The following SORBS3 variants were observed in gnomAD, a reference collection of about 807,000 sequenced individuals.
SORBS3 encodes the protein sorbin and SH3 domain containing 3, also known as vinexin.
SORBS3 carries 69 observed loss-of-function variants against 98.0 expected under a neutral mutation model. The observed-to-expected ratio is 0.70, with a 90% CI of 0.58 to 0.86. SORBS3 has a LOEUF of 0.86. SORBS3 is among the 40% of genes least tolerant of loss of function. SORBS3 has a pLI of 0.00. For synonymous variants in SORBS3, 394 were observed against 355.4 expected (o/e 1.11, Z -1.22); for missense variants, 954 against 908.5 (o/e 1.05, Z -0.64).
At chr8:22,549,790 A>G (rs984133215), upstream of SORBS3, 1 of 158,674 alleles carries the variant, frequency 6.3e-6, no homozygotes, top group African/African-American at 2.4e-5. Context: ...TGAAACTGGT[A>G]GCCAGTCCCC....
At chr8:22,561,730 C>T in intron 6 of SORBS3, 135 bp from the exon 7 acceptor site, 1 of 772,024 alleles carries the variant, frequency 1.3e-6, no homozygotes, top group South Asian at 1.6e-5. Context: ...GAGCACCAAC[C>T]ACCCTGCCCC....
intron 7 of SORBS3, among the ~76,000 whole-genome samples, chr8:22,562,632 G>A (rs1266037397): frequency 1.3e-5 from 2 of 152,184 alleles, no homozygotes; most frequent in Non-Finnish European, 2.9e-5. Flanking sequence ...AGATTTGGAC[G>A]CTGAGTTCTG....
intron 7 of SORBS3, among the ~76,000 whole-genome samples, chr8:22,563,415 C>G (rs879896746): frequency 1.2e-4 from 18 of 148,246 alleles, no homozygotes; most frequent in Non-Finnish European, 2.4e-4. Flanking sequence ...GACAGAGTCA[C>G]TGAATCCAGC....
upstream of SORBS3, among the ~76,000 whole-genome samples, chr8:22,548,514 G>A (rs1244022296): frequency 6.6e-6 from 1 of 152,168 alleles, no homozygotes; most frequent in Non-Finnish European, 1.5e-5. Context: ...CAGCTTAGAG[G>A]AAGGAAGAAA....
intron 6 of SORBS3, 48 bp downstream of exon 6, chr8:22,561,421 C>T: frequency 6.2e-7 from 1 of 1,607,964 alleles, no homozygotes; most frequent in African/African-American, 1.3e-5. Flanking sequence ...GCGCCTGCGT[C>T]CGCCCCTCCC....
chr8:22,564,474 A>C lies in SORBS3; in HGVS notation c.769A>C (p.Lys257Gln). 6.2e-7 allele frequency: 1 copy of C among 1,614,124 alleles called. No homozygotes were observed. Among genetic ancestry groups the C allele is most frequent in the Non-Finnish European group, 8.5e-7 (1 of 1,180,026 alleles). The change falls in exon 10 of 21, where the codon AAA becomes CAA. Residue 257 changes from lysine to glutamine, a missense_variant. Coordinates refer to ENST00000240123, the MANE Select transcript of SORBS3 (RefSeq NM_005775.5). Reference protein sequence around the residue: ...QELETGQRPKKPLVDDPGEKP... With the variant: ...QELETGQRPKQPLVDDPGEKP... ...CACCCTTTCTACCCTTCAGCCCAAG[A>C]AACCGCTGGTGGACGACCCTGGTGA...
intron 7 of SORBS3, among the ~76,000 whole-genome samples, 187 bp downstream of exon 7, chr8:22,562,118 C>T (rs1840310001): frequency 6.6e-6 from 1 of 152,248 alleles, no homozygotes. Context: ...AGACTCTCTT[C>T]CCTACAGGGT....
intron 1 of SORBS3, among the ~76,000 whole-genome samples, chr8:22,546,108 T>C (rs980662464): frequency 2.6e-5 from 4 of 152,228 alleles, no homozygotes; most frequent in African/African-American, 9.6e-5. Flanking sequence ...CTTTCAGTTA[T>C]GTTAAAGAAG....
intron 5 of SORBS3, chr8:22,560,964 G>A (rs2117241926): frequency 4.7e-6 from 1 of 212,322 alleles, no homozygotes; most frequent in Non-Finnish European, 9.3e-6. Context: ...GCTAGGAGTG[G>A]GTCTTGGCAA....
At chr8:22,549,221 C>T (rs1022122094), upstream of SORBS3, among the ~76,000 whole-genome samples, 2 of 152,222 alleles carry the variant, frequency 1.3e-5, no homozygotes, top group Admixed American at 6.5e-5. Context: ...GGGAGGGAGG[C>T]CCCTCTTAGA....
chr8:22,572,775 G>T (rs532765425), intron 20 of SORBS3, among the ~76,000 whole-genome samples: 1 of 152,214 alleles, frequency 6.6e-6, no homozygotes, highest in East Asian at 1.9e-4. Flanking sequence ...GAGCAGCCCT[G>T]GGGGAGAGCT....
intron 10 of SORBS3, 140 bp downstream of exon 10, chr8:22,564,661 G>T: frequency 1.4e-6 from 2 of 1,391,240 alleles, no homozygotes; most frequent in South Asian, 1.4e-5. Flanking sequence ...TGTAATGCCA[G>T]CACTCAGGAC....
rs752348711 is a variant in SORBS3 at position 22,574,628 on chromosome 8, A to C, written c.1955-39A>C. On this transcript the variant is annotated intron_variant, in intron 20 of 20. Transcript: ENST00000240123. ...CTCACCCCTGCATCCCTGTTAAAGAAGGGAGTGGGGAAAGCTCTTCCTGCC... is the reference window on the plus strand; with the variant it reads ...CTCACCCCTGCATCCCTGTTAAAGACGGGAGTGGGGAAAGCTCTTCCTGCC... 1.1e-5 allele frequency: 17 copies of C among 1,604,708 alleles called. No individual in the cohort carries two copies. The East Asian group carries it at 3.6e-4, about 34-fold the overall frequency.
Position 22,570,975 on chromosome 8 carries a change from G to A in SORBS3, c.1497G>A (p.Thr499=), listed in dbSNP as rs34185625. 5.1e-4 allele frequency: 817 copies of A among 1,613,516 alleles called. 4 individuals are homozygous for A. In the African/African-American group the frequency reaches 9.6e-3, roughly 19 times the overall value. The change falls in exon 18 of 21, where the codon ACG becomes ACA. Residue 499 remains threonine, a synonymous_variant. Coordinates refer to ENST00000240123, the MANE Select transcript of SORBS3 (RefSeq NM_005775.5). ...GGTACGAGGGACGCATCACGGGCAC[G>A]GGGCGCCAAGGCATATTCCCTGCCA... is the stretch of plus-strand genomic sequence containing the variant. ...ENWYEGRITG[T]GRQGIFPASY... is the part of the protein sequence containing the mutation.
At position 22,554,959 on chromosome 8, in the gene SORBS3, C is replaced by T. The variant is rs753478857; in HGVS notation, c.199C>T (p.Arg67Ter). 96 of 1,613,468 alleles carry T rather than the reference C, an allele frequency of 5.9e-5. No individual in the cohort carries two copies. Among genetic ancestry groups the T allele is most frequent in the East Asian group, 4.5e-5 (2 of 44,884 alleles). Reference sequence around the variant, plus strand: ...GTGCAATGGGGGCTACACACCAAGACGAGATGCTTCCCAGCACCCGGGTAG... The same window carrying T: ...GTGCAATGGGGGCTACACACCAAGATGAGATGCTTCCCAGCACCCGGGTAG... ...TVCNGGYTPRRDASQHPDPAW... is the reference protein window; with the variant it reads ...TVCNGGYTPR The change falls in exon 3 of 21, where the codon CGA becomes TGA. Residue 67 changes from arginine to a stop codon, truncating the protein, a stop_gained. Transcript: ENST00000240123. LOFTEE classifies it high-confidence loss of function. This position sits in a 1 kb window ranked among gnomAD's most constrained non-coding sequence, Gnocchi z 6.5.
intron 20 of SORBS3, 97 bp from the exon 21 acceptor site, chr8:22,574,570 A>C: frequency 8.2e-7 from 1 of 1,213,836 alleles, no homozygotes; most frequent in Non-Finnish European, 1.2e-6. Context: ...GAACTCCCCT[A>C]CAGTTCTGGG....
chr8:22,565,213 C>T (rs961394108), intron 10 of SORBS3, 55 bp from the exon 11 acceptor site: 2 of 1,491,406 alleles, frequency 1.3e-6, no homozygotes, highest in Non-Finnish European at 1.8e-6. Context: ...TTGACCGCTG[C>T]CTCCCACCCC....
rs1840715606 is a variant in SORBS3, at chr8:22,575,754, G to A, written c.*1026G>A. Reference sequence around the variant, plus strand: ...GAACAGTGCCAGGCCCTGGTAGCAGGGAGACACCAGAGATGGGGGACTGAA... The same window carrying A: ...GAACAGTGCCAGGCCCTGGTAGCAGAGAGACACCAGAGATGGGGGACTGAA... On this transcript the variant is annotated 3_prime_UTR_variant, in exon 21 of 21. Coordinates refer to ENST00000240123, the MANE Select transcript of SORBS3 (RefSeq NM_005775.5). The A allele has an allele frequency of 6.6e-6, 1 of 152,276 alleles. No individual in the cohort carries two copies. The highest frequency in any genetic ancestry group is 2.4e-5 in the African/African-American group (1 of 41,446). 9.4% of individuals were successfully genotyped at this position (152,276 alleles called of 1,614,324 possible).
chr8:22,561,819 T>C, intron 6 of SORBS3, 46 bp from the exon 7 acceptor site: 3 of 1,554,786 alleles, frequency 1.9e-6, no homozygotes, highest in Non-Finnish European at 1.8e-6. Context: ...AGTCACGGCC[T>C]GTCTCCTCCC....
Sources: allele counts gnomAD v4.1 joint callset (sites outside exome capture counted in the v4.1 genomes callset), GRCh38; gene constraint gnomAD v4.1.1; non-coding constraint Gnocchi (gnomAD v3.1); transcripts MANE v1.5; gene names NCBI Gene and HGNC (gene_info 2026-07-23, HGNC 2026-07-21).